TUNAR: variants seen among roughly 807,000 people sequenced by gnomAD.
The protein encoded by TUNAR is protein TUNAR.
intron 1 of TUNAR, 144 bp from the exon 1 acceptor site, chr14:95,876,688 G>C (rs1041185070): frequency 4.6e-5 from 7 of 152,310 alleles, no homozygotes; most frequent in Non-Finnish European, 1.0e-4. Context: ...CCGCCGGACC[G>C]GCCATGTGCT....
chr14:95,917,503 A>G (rs1889624552), intron 2 of TUNAR, among the ~76,000 whole-genome samples: 1 of 152,174 alleles, frequency 6.6e-6, no homozygotes, highest in Non-Finnish European at 1.5e-5. Flanking sequence ...TTTAGAACCT[A>G]CTTGTCAAAT....
rs575621887 is a variant in TUNAR, at chr14:95,879,415, T to C, written c.12+2238T>C. ...ATTAATCTCCCAGCATTGTGTGTTT[T>C]AGCTTCTCATGATTAACTGGTAAGG... On this transcript the variant is annotated intron_variant, in intron 2 of 2. Transcript: ENST00000678517. 1.5e-3 allele frequency among the ~76,000 whole-genome samples: 222 copies of C among 152,346 alleles called. 1 individual carries two copies. Among genetic ancestry groups the C allele is most frequent in the Non-Finnish European group, 2.8e-3 (190 of 68,034 alleles).
intron 2 of TUNAR, among the ~76,000 whole-genome samples, chr14:95,896,477 T>C (rs1328392379): frequency 1.3e-5 from 2 of 152,104 alleles, no homozygotes; most frequent in African/African-American, 4.8e-5. Context: ...CTGTTTTGTG[T>C]GGAATAAAGC....
exon 3 of TUNAR, chr14:95,923,233 G>A (rs1889726644): frequency 3.1e-6 from 1 of 319,168 alleles, no homozygotes; most frequent in South Asian, 1.6e-4. Flanking sequence ...AAGAATGCTT[G>A]GAAGACCAGC....
intron 2 of TUNAR, among the ~76,000 whole-genome samples, chr14:95,922,362 T>C (rs1033146051): frequency 6.6e-6 from 1 of 152,160 alleles, no homozygotes; most frequent in Non-Finnish European, 1.5e-5. Context: ...ATACACACTT[T>C]GTGGATACTC....
intron 2 of TUNAR, among the ~76,000 whole-genome samples, chr14:95,899,123 T>G (rs1423126955): frequency 2.0e-5 from 3 of 152,200 alleles, no homozygotes; most frequent in Non-Finnish European, 4.4e-5. Context: ...TGGCATCTCT[T>G]GGTAACTGGG....
chr14:95,886,608 C>T (rs1275442296), intron 2 of TUNAR, among the ~76,000 whole-genome samples: 1 of 152,240 alleles, frequency 6.6e-6, no homozygotes, highest in Non-Finnish European at 1.5e-5. Flanking sequence ...GATTGCCATC[C>T]TCTGGAGGGT....
chr14:95,922,569 T>C (rs1595128260), intron 2 of TUNAR, among the ~76,000 whole-genome samples: 3 of 152,298 alleles, frequency 2.0e-5, no homozygotes, highest in Non-Finnish European at 4.4e-5. Flanking sequence ...TGTACCAATG[T>C]CAGGACACTC....
intron 2 of TUNAR, among the ~76,000 whole-genome samples, chr14:95,889,947 G>A (rs1465082882): frequency 2.8e-5 from 4 of 143,812 alleles, no homozygotes; most frequent in Admixed American, 6.9e-5. Flanking sequence ...GGAATTTAGA[G>A]GGACACAAAG....
chr14:95,900,111 C>T (rs1178735606), intron 2 of TUNAR, among the ~76,000 whole-genome samples: 1 of 152,102 alleles, frequency 6.6e-6, no homozygotes, highest in Non-Finnish European at 1.5e-5. Flanking sequence ...TTTTTTTCCC[C>T]CATTTATTCA....
At chr14:95,915,883 G>T (rs1206966815) in intron 2 of TUNAR, among the ~76,000 whole-genome samples, 2 of 152,214 alleles carry the variant, frequency 1.3e-5, no homozygotes, top group Non-Finnish European at 1.5e-5. Context: ...CACAGTAGGG[G>T]TGCTGATGAG....
intron 2 of TUNAR, among the ~76,000 whole-genome samples, chr14:95,889,512 C>T (rs1889135770): frequency 1.3e-5 from 2 of 151,478 alleles, no homozygotes; most frequent in Admixed American, 1.3e-4. Context: ...CTGCCCTGGC[C>T]ACCACTTAGC....
chr14:95,878,390 G>T (rs546689407), intron 2 of TUNAR, among the ~76,000 whole-genome samples: 2 of 152,290 alleles, frequency 1.3e-5, no homozygotes, highest in Non-Finnish European at 2.9e-5. Flanking sequence ...TGGTCTGAGG[G>T]GCTTGTTCCA....
chr14:95,895,528 G>C lies in TUNAR; in HGVS notation c.12+18351G>C, dbSNP rs1889248507. 6.6e-6 allele frequency among the ~76,000 whole-genome samples: 1 copy of C among 152,142 alleles called. No homozygotes were observed. Among genetic ancestry groups the C allele is most frequent in the South Asian group, 2.1e-4 (1 of 4,822 alleles). ...CCCAGGCAGTGGGATGGTCATGTTA[G>C]CATCTGTTTTACAAGGGAGTTCCCG... On this transcript the variant is annotated intron_variant, in intron 2 of 2. Transcript: ENST00000678517. The surrounding 1 kb of genome is among the most constrained non-coding windows in gnomAD (Gnocchi z 4.5).
At chr14:95,904,954 C>T (rs1021059046) in intron 2 of TUNAR, among the ~76,000 whole-genome samples, 1 of 152,138 alleles carries the variant, frequency 6.6e-6, no homozygotes, top group Non-Finnish European at 1.5e-5. Flanking sequence ...CAGCTCATTC[C>T]ACAAGGGCCC....
At chr14:95,883,272 C>T (rs549074497) in intron 2 of TUNAR, among the ~76,000 whole-genome samples, 1 of 152,354 alleles carries the variant, frequency 6.6e-6, no homozygotes, top group Admixed American at 6.5e-5. Flanking sequence ...GGCTGGTTGT[C>T]CTCCAGTCTG....
At chr14:95,889,235 C>T (rs1283059872) in intron 2 of TUNAR, among the ~76,000 whole-genome samples, 2 of 152,204 alleles carry the variant, frequency 1.3e-5, no homozygotes, top group South Asian at 4.2e-4. Flanking sequence ...TTTCATGGGC[C>T]TCTTCCACCA....
chr14:95,885,833 T>C (rs2139653618), intron 2 of TUNAR, among the ~76,000 whole-genome samples: 1 of 152,296 alleles, frequency 6.6e-6, no homozygotes, highest in African/African-American at 2.4e-5. Context: ...GTGTAAAACG[T>C]TCAAGAAGAA....
exon 3 of TUNAR, chr14:95,924,617 C>T (rs908466039): frequency 2.6e-5 from 4 of 152,278 alleles, no homozygotes; most frequent in African/African-American, 9.6e-5. Flanking sequence ...GCACGTCTCA[C>T]ATGGTGGCAG....
Sources: gnomAD v4.1 joint callset for allele counts (sites outside exome capture counted in the v4.1 genomes callset) on GRCh38, gnomAD v4.1.1 for gene constraint, Gnocchi (gnomAD v3.1) non-coding constraint, MANE v1.5 for transcripts, NCBI Gene and HGNC (gene_info 2026-07-23, HGNC 2026-07-21) for gene names.